DPP6: variants seen among roughly 807,000 people sequenced by gnomAD.
DPP6 encodes the protein dipeptidyl peptidase like 6.
DPP6 carries 69 observed loss-of-function variants against 122.6 expected under a neutral mutation model. The observed-to-expected ratio is 0.56, with a 90% confidence interval of 0.46 to 0.69. DPP6 has a LOEUF of 0.69. Among genes scored for constraint, DPP6 ranks in the 30% least tolerant of loss-of-function variants. The probability of loss-of-function intolerance (pLI) is 0.00; values close to 1 mark genes in which losing one functional copy is unlikely to be tolerated. For missense variants in DPP6, 928 were observed against 1,116.9 expected (o/e 0.83, Z 2.41); for synonymous variants, 418 against 433.1 (o/e 0.97, Z 0.43).
chr7:153,813,365 T>C, the DPP6 span, among the ~76,000 whole-genome samples: 3 of 152,214 alleles, frequency 2.0e-5, no homozygotes, highest in Non-Finnish European at 4.4e-5. Flanking sequence ...CTCATCATTT[T>C]TATGGCTGCA....
chr7:154,321,721 G>T (rs1323702505), intron 1 of DPP6, among the ~76,000 whole-genome samples: 1 of 148,838 alleles, frequency 6.7e-6, no homozygotes, highest in Non-Finnish European at 1.5e-5. Context: ...GAAGGCGGAG[G>T]TTGCAGTGAG....
intron 1 of DPP6, among the ~76,000 whole-genome samples, chr7:154,260,389 A>G (rs975604927): frequency 2.6e-5 from 4 of 152,076 alleles, no homozygotes; most frequent in Non-Finnish European, 5.9e-5. Flanking sequence ...TGGTGCACCT[A>G]TCGCCCAAGC....
chr7:154,883,355 CACAT>C (rs1372022497), intron 21 of DPP6, among the ~76,000 whole-genome samples: 1 of 150,486 alleles, frequency 6.6e-6, no homozygotes, highest in Non-Finnish European at 1.5e-5. Flanking sequence ...CTCATACACA[CACAT>C]GCTCACACAC....
At chr7:154,046,033 GTATT>G (rs1563128438) in intron 1 of DPP6, among the ~76,000 whole-genome samples, 1 of 152,020 alleles carries the variant, frequency 6.6e-6, no homozygotes, top group African/African-American at 2.4e-5. Context: ...TACCCAACAA[GTATT>G]TATTTCAAGA....
In DPP6 at chr7:154,282,834, A is replaced by T. The variant is rs1804612671; in HGVS notation, c.244-163380A>T. 6.6e-6 allele frequency among the ~76,000 whole-genome samples: 1 copy of T among 152,190 alleles called. No homozygotes were observed. The highest frequency in any genetic ancestry group is 6.5e-5 in the Admixed American group (1 of 15,282). ...AATAACCACAAATAGGCCCATTTATAACAAGAGGTTGAAGGAGAGATTGCC... is the reference window on the plus strand; with the variant it reads ...AATAACCACAAATAGGCCCATTTATTACAAGAGGTTGAAGGAGAGATTGCC... On this transcript the variant is annotated intron_variant, in intron 1 of 25. Transcript: ENST00000377770. This position sits in a 1 kb window ranked among gnomAD's most constrained non-coding sequence, Gnocchi z 4.8.
chr7:154,880,861 C>T (rs1805330298), intron 20 of DPP6, 27 bp from the exon 21 acceptor site: 1 of 1,613,866 alleles, frequency 6.2e-7, no homozygotes, highest in Admixed American at 1.7e-5. Flanking sequence ...GTGCACTGAA[C>T]CCTCTTTCCC....
At position 154,872,630 on chromosome 7, in the gene DPP6, C is replaced by T. The variant is rs760754791; in HGVS notation, c.1820C>T (p.Pro607Leu). Residue 607 changes from proline to leucine, a missense_variant, in exon 19 of 26, where the codon CCC (proline) becomes CTC (leucine). Transcript: ENST00000377770. ...GTGCTCTGCTTCTCCCCAGACCTGC[C>T]CATGCAGATACTGAAGCCAGCAACC... ...RDIEIDDYNL[P>L]MQILKPATFT... 1.6e-5 allele frequency: 25 copies of T among 1,600,778 alleles called. No individual in the cohort carries two copies. The Admixed American group carries it at 3.1e-4, about 20-fold the overall frequency.
At chr7:154,042,136 GAGGAAGTGATGTTGGC>G (rs1799798239) in intron 1 of DPP6, among the ~76,000 whole-genome samples, 3 of 152,166 alleles carry the variant, frequency 2.0e-5, no homozygotes, top group Admixed American at 2.0e-4. Context: ...CAGAAAACAG[GAGGAAGTGATGTTGGC>G]AGGCCAGGGG....
intron 1 of DPP6, among the ~76,000 whole-genome samples, chr7:154,133,158 G>C (rs943938638): frequency 3.9e-5 from 6 of 152,170 alleles, no homozygotes; most frequent in African/African-American, 1.4e-4. Flanking sequence ...TTAAAAATAA[G>C]TCATGTTATT....
chr7:154,494,316 A>G (rs947217083), intron 3 of DPP6, among the ~76,000 whole-genome samples: 5 of 151,578 alleles, frequency 3.3e-5, no homozygotes, highest in Admixed American at 2.0e-4. Context: ...ACATCGCACC[A>G]CTGCACTCCA....
chr7:154,873,856 A>C (rs1804603267), intron 19 of DPP6, among the ~76,000 whole-genome samples: 2 of 146,730 alleles, frequency 1.4e-5, no homozygotes, highest in South Asian at 2.2e-4. Context: ...GCATACCCAC[A>C]TGCACACACA....
upstream of DPP6, among the ~76,000 whole-genome samples, chr7:153,883,670 G>A (rs190718861): frequency 8.5e-5 from 13 of 152,304 alleles, no homozygotes; most frequent in East Asian, 5.8e-4. Flanking sequence ...GTGAGCCACC[G>A]CACCTGGACC....
At chr7:153,928,074 A>G (rs950311984) in intron 1 of DPP6, among the ~76,000 whole-genome samples, 1 of 151,812 alleles carries the variant, frequency 6.6e-6, no homozygotes, top group Non-Finnish European at 1.5e-5. Context: ...AACAATAACA[A>G]TTAATTAAAT....
intron 7 of DPP6, among the ~76,000 whole-genome samples, chr7:154,712,259 T>C (rs1381327949): frequency 1.1e-4 from 16 of 152,238 alleles, no homozygotes; most frequent in Non-Finnish European, 2.2e-4. Flanking sequence ...TGCACACCAA[T>C]AGTTTTGGAC....
At chr7:154,393,684 G>A (rs1021778708) in intron 1 of DPP6, among the ~76,000 whole-genome samples, 2 of 151,792 alleles carry the variant, frequency 1.3e-5, no homozygotes, top group East Asian at 1.9e-4. Context: ...ATTTTGAGGT[G>A]TATAATTTGG....
rs1174496672 is a variant in DPP6, at chr7:154,892,579, G to A, written c.*99G>A. On this transcript the variant is annotated 3_prime_UTR_variant, in exon 26 of 26. Coordinates refer to ENST00000377770, the MANE Select transcript of DPP6 (RefSeq NM_130797.4). The stretch of plus-strand genomic sequence containing the variant: ...TCTTCCCTCGGAGGGGCGGGGCGGG[G>A]CGGGGCCGGGTGTTCCATAGCATGT... The A allele has an allele frequency of 1.9e-6, 3 of 1,559,108 alleles. No individual in the cohort carries two copies. Among genetic ancestry groups the A allele is most frequent in the Non-Finnish European group, 2.6e-6 (3 of 1,152,612 alleles).
At chr7:154,616,798 G>C (rs1834290850) in intron 5 of DPP6, among the ~76,000 whole-genome samples, 1 of 152,186 alleles carries the variant, frequency 6.6e-6, no homozygotes, top group African/African-American at 2.4e-5. Flanking sequence ...ACAGTGACGG[G>C]AAACATGCTG....
At chr7:154,272,567 G>A (rs1803865365) in intron 1 of DPP6, among the ~76,000 whole-genome samples, 1 of 152,080 alleles carries the variant, frequency 6.6e-6, no homozygotes, top group African/African-American at 2.4e-5. Flanking sequence ...TGAAAATTGG[G>A]GGATGTCAAG....
chr7:154,844,527 A>T (rs1801800165), intron 16 of DPP6, among the ~76,000 whole-genome samples: 1 of 152,242 alleles, frequency 6.6e-6, no homozygotes, highest in Admixed American at 6.5e-5. Flanking sequence ...ATTTTGATTT[A>T]GAGAAATTGT....
Sources: allele counts gnomAD v4.1 joint callset (sites outside exome capture counted in the v4.1 genomes callset), GRCh38; gene constraint gnomAD v4.1.1; non-coding constraint Gnocchi (gnomAD v3.1); transcripts MANE v1.5; gene names NCBI Gene and HGNC (gene_info 2026-07-23, HGNC 2026-07-21).